Variants in LARS1 observed in about 807,000 individuals in gnomAD.
LARS1 encodes the protein leucine--tRNA ligase, cytoplasmic.
LARS1 carries 100 observed loss-of-function variants against 162.8 expected under a neutral mutation model. The observed-to-expected ratio is 0.61, with a 90% CI of 0.52 to 0.73. LARS1 has a LOEUF of 0.73. Ranked by LOEUF, LARS1 falls within the 30% of genes least tolerant of loss-of-function variation. The probability of loss-of-function intolerance (pLI) is 0.00; values close to 1 mark genes in which losing one functional copy is unlikely to be tolerated. For missense variants in LARS1, 1,258 were observed against 1,408.9 expected (o/e 0.89, Z 1.71); for synonymous variants, 457 against 462.8 (o/e 0.99, Z 0.16).
In LARS1 at chr5:146,143,103, A is replaced by C; in HGVS notation, c.1878-19T>G. The stretch of plus-strand genomic sequence containing the variant: ...TTGCGGTCTGTATTAAAAATAAAAC[A>C]AACTATTTTATATATATATATATGT... On this transcript the variant is annotated intron_variant, in intron 19 of 31. Transcript: ENST00000394434. The C allele has an allele frequency of 7.4e-7, 1 of 1,345,974 alleles. No homozygotes were observed. Among genetic ancestry groups the C allele is most frequent in the Non-Finnish European group, 1.0e-6 (1 of 969,564 alleles). 83.4% of individuals were successfully genotyped at this position (1,345,974 alleles called of 1,614,324 possible).
At position 146,143,455 on chromosome 5, in the gene LARS1, C is replaced by T. The variant is rs771642013; in HGVS notation, c.1834G>A (p.Gly612Arg). Residue 612 changes from glycine to arginine, a missense_variant, in exon 19 of 32, where the codon GGG becomes AGG. Physicochemically the swap from Gly to Arg is moderately radical, Grantham distance 125. Coordinates refer to ENST00000394434, the MANE Select transcript of LARS1 (RefSeq NM_020117.11). Reference protein sequence around the residue: ...AFYTVAHLLQGGNLHGQAESP... With the variant: ...AFYTVAHLLQRGNLHGQAESP... ...TCTGCCTGTCCATGCAAGTTACCCC[C>T]CTGCAATAGGTGTGCAACTGTGTAA... 34 of 1,613,792 alleles carry T rather than the reference C, an allele frequency of 2.1e-5. No homozygotes were observed. The Admixed American group carries it at 5.7e-4, about 27-fold the overall frequency.
chr5:146,137,838 G>A, intron 21 of LARS1: 1 of 253,422 alleles, frequency 3.9e-6, no homozygotes, highest in Non-Finnish European at 7.7e-6. Flanking sequence ...TAAAATTGAA[G>A]GTGTTAGCTG....
chr5:146,117,083 T>A (rs1016975028), intron 31 of LARS1, among the ~76,000 whole-genome samples: 2 of 152,082 alleles, frequency 1.3e-5, no homozygotes, highest in African/African-American at 2.4e-5. Context: ...GCTACTAACA[T>A]CAAACTTAAG....
At chr5:146,115,046 G>A (rs1202705826) in intron 31 of LARS1, among the ~76,000 whole-genome samples, 26 of 97,640 alleles carry the variant, frequency 2.7e-4, no homozygotes, top group Admixed American at 7.0e-4. Context: ...CTGTCGGGGG[G>A]AAAAAAAAAA....
chr5:146,139,331 A>C (rs1752656377), intron 21 of LARS1, among the ~76,000 whole-genome samples: 1 of 148,090 alleles, frequency 6.8e-6, no homozygotes. Context: ...CGAAAGAGTG[A>C]GATTCCATCA....
In LARS1 at chr5:146,182,626, T is replaced by G; in HGVS notation, c.-133A>C. 2 of 1,216,682 alleles carry G rather than the reference T, an allele frequency of 1.6e-6. No individual in the cohort carries two copies. Among genetic ancestry groups the G allele is most frequent in the East Asian group, 2.4e-5 (1 of 42,202 alleles). The allele number at this position is 1,216,682 out of a possible 1,614,324, so 75.4% of individuals were successfully genotyped here. On this transcript the variant is annotated 5_prime_UTR_variant, in exon 1 of 32. Transcript: ENST00000394434. Reference sequence around the variant, plus strand: ...ACTAAAGCACACGCTTCACACCTGCTGAGGCAATCATCCGGCTCCTTACTA... The same window carrying G: ...ACTAAAGCACACGCTTCACACCTGCGGAGGCAATCATCCGGCTCCTTACTA...
At chr5:146,174,829 AT>A (rs1754481839) in intron 2 of LARS1, among the ~76,000 whole-genome samples, 1 of 151,898 alleles carries the variant, frequency 6.6e-6, no homozygotes, top group Non-Finnish European at 1.5e-5. Flanking sequence ...CAAACCTGTA[AT>A]CCCAACACTT....
chr5:146,170,885 G>GA (rs201743208), intron 4 of LARS1, among the ~76,000 whole-genome samples: 31,937 of 135,278 alleles, frequency 0.24, 4,430 homozygotes, highest in Admixed American at 0.35. Flanking sequence ...CTCCAACTCA[G>GA]AAAAAAAAAA....
intron 21 of LARS1, among the ~76,000 whole-genome samples, chr5:146,137,421 A>T (rs987444205): frequency 5.9e-5 from 9 of 152,092 alleles, no homozygotes; most frequent in Non-Finnish European, 1.2e-4. Flanking sequence ...GGGGTCTGTC[A>T]AGTTTGCATA....
chr5:146,176,412 A>G (rs1754577719), intron 2 of LARS1, among the ~76,000 whole-genome samples: 1 of 148,962 alleles, frequency 6.7e-6, no homozygotes, highest in Admixed American at 6.9e-5. Context: ...AGATGGCGCC[A>G]CTGCACTCCA....
chr5:146,161,558 G>A (rs780628835), intron 6 of LARS1, among the ~76,000 whole-genome samples: 41 of 151,962 alleles, frequency 2.7e-4, no homozygotes, highest in Admixed American at 2.3e-3. Context: ...GAGAAACCCC[G>A]TCTCTACTAA....
chr5:146,153,421 G>C (rs1753381602), intron 12 of LARS1, among the ~76,000 whole-genome samples, 194 bp from the exon 13 acceptor site: 1 of 152,152 alleles, frequency 6.6e-6, no homozygotes, highest in South Asian at 2.1e-4. Flanking sequence ...AATAGCTAAA[G>C]TTATAGTGAA....
At position 146,164,418 on chromosome 5, in the gene LARS1, T is replaced by A. The variant is rs372590611; in HGVS notation, c.486A>T (p.Lys162Asn). The A allele has an allele frequency of 3.1e-6, 5 of 1,613,968 alleles. No individual in the cohort carries two copies. The African/African-American group carries it at 6.7e-5, about 22-fold the overall frequency. The change falls in exon 6 of 32, where the codon AAA becomes AAT. Residue 162 changes from lysine (K) to asparagine (N), a missense_variant. By Grantham distance (94) the Lys-to-Asn change is moderately conservative (BLOSUM62 0). Transcript: ENST00000394434. ...TCTCTTCATCAGACAGGCCAAGGGA[T>A]TTCATAATGCCCCACTGGTATTTAG... ...GSSKYQWGIM[K>N]SLGLSDEEIV... is the part of the protein sequence containing the mutation.
intron 3 of LARS1, among the ~76,000 whole-genome samples, chr5:146,172,325 G>A (rs1754319722): frequency 6.6e-6 from 1 of 152,082 alleles, no homozygotes. Flanking sequence ...AGACCATCCT[G>A]GCCAATATGG....
intron 21 of LARS1, chr5:146,138,728 CAA>C (rs879232853): frequency 2.7e-3 from 316 of 115,030 alleles, no homozygotes; most frequent in South Asian, 0.015. Context: ...GACTCTGTCT[CAA>C]AAAAAAAAAA....
Position 146,126,522 on chromosome 5 carries a change from G to T in LARS1, c.2904C>A (p.Asp968Glu). ...HFEANNGKLP[D>E]NKVIASELGS... is the part of the protein sequence containing the mutation. Reference sequence around the variant, plus strand: ...CTAGTTCACTAGCAATGACTTTGTTGTCAGGCAGTTTTCCGTTATTGGCCT... The same window carrying T: ...CTAGTTCACTAGCAATGACTTTGTTTTCAGGCAGTTTTCCGTTATTGGCCT... Residue 968 changes from aspartate to glutamate, a missense_variant, in exon 28 of 32, where the codon GAC becomes GAA. By Grantham distance (45) the Asp-to-Glu change is conservative. Transcript: ENST00000394434. 1 of 1,611,856 alleles carries T rather than the reference G, an allele frequency of 6.2e-7. No individual in the cohort carries two copies. Among genetic ancestry groups the T allele is most frequent in the Non-Finnish European group, 8.5e-7 (1 of 1,178,458 alleles).
chr5:146,164,606 T>C (rs1435234289), intron 5 of LARS1, 135 bp from the exon 6 acceptor site: 2 of 852,268 alleles, frequency 2.3e-6, no homozygotes, highest in East Asian at 2.5e-5. Context: ...CAGGAATTAG[T>C]TGTACTATTA....
intron 2 of LARS1, among the ~76,000 whole-genome samples, chr5:146,173,004 C>T (rs959307005): frequency 1.3e-5 from 2 of 151,940 alleles, no homozygotes; most frequent in Non-Finnish European, 2.9e-5. Flanking sequence ...AATTAAATAG[C>T]CTTGTAACAA....
In LARS1 at chr5:146,130,374, A is replaced by T. The variant is rs1278926357; in HGVS notation, c.2488-216T>A. 9.2e-6 allele frequency: 5 copies of T among 544,738 alleles called. No homozygotes were observed. In the African/African-American group the frequency reaches 9.6e-5, roughly 10 times the overall value. 33.7% of individuals were successfully genotyped at this position (544,738 alleles called of 1,614,324 possible). On this transcript the variant is annotated intron_variant, in intron 24 of 31. Transcript: ENST00000394434. ...TTATACTAATAATTCTCAAAAAAAGAATTTTTTTACAGACAGTTTGTAACT... is the reference window on the plus strand; with the variant it reads ...TTATACTAATAATTCTCAAAAAAAGTATTTTTTTACAGACAGTTTGTAACT...
Sources: allele counts gnomAD v4.1 joint callset (sites outside exome capture counted in the v4.1 genomes callset), GRCh38; gene constraint gnomAD v4.1.1; transcripts MANE v1.5; gene names NCBI Gene and HGNC (gene_info 2026-07-23, HGNC 2026-07-21).